COPG2: variants seen among roughly 807,000 people sequenced by gnomAD.
The protein encoded by COPG2 is coatomer subunit gamma-2.
COPG2 carries 37 observed loss-of-function variants against 46.3 expected under a neutral mutation model. That is an observed-to-expected ratio of 0.80 (90% CI 0.61 to 1.05). COPG2 has a LOEUF of 1.05. COPG2 is among the 50% of genes least tolerant of loss of function. The probability of loss-of-function intolerance (pLI) is 0.00; values close to 1 mark genes in which losing one functional copy is unlikely to be tolerated. For missense variants in COPG2, 427 were observed against 387.8 expected (o/e 1.10, Z -0.85); for synonymous variants, 159 against 129.7 (o/e 1.23, Z -1.53).
At chr7:130,529,918 C>G (rs1330137630) in intron 20 of COPG2, among the ~76,000 whole-genome samples, 1 of 152,156 alleles carries the variant, frequency 6.6e-6, no homozygotes, top group African/African-American at 2.4e-5. Context: ...GCTTGTAATG[C>G]AAAATATACG....
intron 20 of COPG2, among the ~76,000 whole-genome samples, chr7:130,522,054 T>C (rs1799728436): frequency 6.6e-6 from 1 of 151,772 alleles, no homozygotes; most frequent in African/African-American, 2.4e-5. Context: ...AACCAGGAAA[T>C]GGAATTGAAG....
In COPG2 at chr7:130,613,651, A is replaced by C; in HGVS notation, c.400-15T>G. 1 of 1,556,668 alleles carries C rather than the reference A, an allele frequency of 6.4e-7. No individual in the cohort carries two copies. The stretch of plus-strand genomic sequence containing the variant: ...AACATTGTTCCCTAATAACATTCAA[A>C]AAGAAAAAATTGTTAAGGAAAAACA... On this transcript the variant is annotated splice_polypyrimidine_tract_variant and intron_variant, in intron 6 of 23. Transcript: ENST00000425248.
chr7:130,590,112 C>T (rs1303103547), intron 9 of COPG2, among the ~76,000 whole-genome samples: 1 of 152,048 alleles, frequency 6.6e-6, no homozygotes, highest in African/African-American at 2.4e-5. Context: ...TTTATTTAAG[C>T]CTTTACCCCA....
chr7:130,618,109 A>AAAAAAG, intron 5 of COPG2, among the ~76,000 whole-genome samples: 1 of 142,524 alleles, frequency 7.0e-6, no homozygotes. Flanking sequence ...TCAAAAAAAA[A>AAAAAAG]AAAAAAAAAA....
rs527630226 is a variant in COPG2, at chr7:130,578,439, G to A, written c.738-14046C>T. ...AACTGGAAACTCTAAAACGCAGAGC[G>A]CCTCTCCTCCTCCAAAGGAATGCAG... On this transcript the variant is annotated intron_variant, in intron 9 of 23. Coordinates refer to ENST00000425248, the MANE Select transcript of COPG2 (RefSeq NM_012133.6). Among the ~76,000 whole-genome samples, 366 of 151,628 alleles carry A rather than the reference G, an allele frequency of 2.4e-3. 1 individual carries two copies. The highest frequency in any genetic ancestry group is 3.9e-3 in the Admixed American group (59 of 15,208).
At chr7:130,647,892 A>G (rs541492548) in intron 5 of COPG2, among the ~76,000 whole-genome samples, 212 of 151,870 alleles carry the variant, frequency 1.4e-3, no homozygotes, top group African/African-American at 4.8e-3. Context: ...CACCACGCCC[A>G]GCTAATTTTT....
intron 20 of COPG2, among the ~76,000 whole-genome samples, chr7:130,513,309 ATAT>A (rs1375386337): frequency 4.1e-4 from 20 of 48,900 alleles, no homozygotes; most frequent in South Asian, 7.9e-4. Context: ...AAAAAAAAAA[ATAT>A]ATATATATAT....
chr7:130,508,397 T>G (rs1799538664), intron 21 of COPG2, 165 bp downstream of exon 21: 1 of 569,160 alleles, frequency 1.8e-6, no homozygotes, highest in Admixed American at 3.3e-5. Context: ...GCTGTCCAGT[T>G]ACAGAGGAGG....
chr7:130,539,124 T>C (rs1489893121), intron 20 of COPG2, among the ~76,000 whole-genome samples: 2 of 151,668 alleles, frequency 1.3e-5, no homozygotes, highest in African/African-American at 4.8e-5. Context: ...TAAACAAGGG[T>C]ATAGTAAAGG....
At chr7:130,559,588 A>G (rs979887291) in intron 12 of COPG2, among the ~76,000 whole-genome samples, 3 of 152,132 alleles carry the variant, frequency 2.0e-5, no homozygotes, top group Admixed American at 6.5e-5. Flanking sequence ...CCTGTACCCT[A>G]AGTCACTGAG....
At chr7:130,507,120 A>G (rs1287442174) in intron 23 of COPG2, among the ~76,000 whole-genome samples, 154 bp downstream of exon 23, 1 of 152,170 alleles carries the variant, frequency 6.6e-6, no homozygotes, top group South Asian at 2.1e-4. Context: ...AACCAAGAAT[A>G]GCATGCAAAA....
intron 20 of COPG2, among the ~76,000 whole-genome samples, chr7:130,522,850 T>G (rs1467077309): frequency 1.3e-5 from 2 of 151,454 alleles, no homozygotes; most frequent in African/African-American, 4.9e-5. Context: ...CAACAGTAAA[T>G]GCAAGCACAA....
intron 5 of COPG2, among the ~76,000 whole-genome samples, chr7:130,629,729 T>G (rs1403299439): frequency 6.6e-6 from 1 of 152,046 alleles, no homozygotes; most frequent in Non-Finnish European, 1.5e-5. Flanking sequence ...CTAGTCTGTT[T>G]GATATTCTCT....
intron 5 of COPG2, among the ~76,000 whole-genome samples, chr7:130,620,342 T>C (rs532456962): frequency 6.6e-6 from 1 of 152,206 alleles, no homozygotes; most frequent in Admixed American, 6.5e-5. Flanking sequence ...TAGTAAATAT[T>C]TCAGGCTTTG....
intron 9 of COPG2, among the ~76,000 whole-genome samples, chr7:130,583,731 T>C (rs533850993): frequency 0.012 from 1,513 of 130,106 alleles, 23 homozygotes; most frequent in Non-Finnish European, 0.017. Context: ...CTTGAATCCC[T>C]GGGAGGCGGA....
chr7:130,602,058 C>T (rs1409228117), intron 9 of COPG2, among the ~76,000 whole-genome samples: 2 of 152,126 alleles, frequency 1.3e-5, no homozygotes, highest in African/African-American at 4.8e-5. Context: ...TAAACTCATA[C>T]GAGGGAGGGA....
chr7:130,522,935 T>C lies in COPG2; in HGVS notation c.2150-14276A>G, dbSNP rs967935076. On this transcript the variant is annotated intron_variant, in intron 20 of 23. Transcript: ENST00000425248. ...GAGTTCGAGACCAGCCTGGCCAACA[T>C]GGCGAAACCCTGTCTCTACTTAAAA... Among the ~76,000 whole-genome samples, 7 of 151,132 alleles carry C rather than the reference T, an allele frequency of 4.6e-5. No individual in the cohort carries two copies. In the East Asian group the frequency reaches 9.8e-4, roughly 21 times the overall value.
chr7:130,589,319 C>T (rs1228710656), intron 9 of COPG2, among the ~76,000 whole-genome samples: 1 of 151,686 alleles, frequency 6.6e-6, no homozygotes, highest in East Asian at 1.9e-4. Flanking sequence ...ACTGTGTCAC[C>T]TAGGCTACAG....
chr7:130,621,781 A>G (rs1554453644), intron 5 of COPG2, among the ~76,000 whole-genome samples: 1 of 151,988 alleles, frequency 6.6e-6, no homozygotes, highest in Non-Finnish European at 1.5e-5. Flanking sequence ...CGTCTCTACT[A>G]AAAACACAAA....
Sources: allele counts gnomAD v4.1 joint callset (sites outside exome capture counted in the v4.1 genomes callset), GRCh38; gene constraint gnomAD v4.1.1; transcripts MANE v1.5; gene names NCBI Gene and HGNC (gene_info 2026-07-23, HGNC 2026-07-21).